The following OSBPL1A variants were observed in gnomAD, a reference collection of about 807,000 sequenced individuals.
OSBPL1A encodes the protein oxysterol binding protein like 1A.
Under a neutral mutation model 137.1 loss-of-function variants are expected in OSBPL1A, and 80 were observed. The observed-to-expected ratio is 0.58, with a 90% confidence interval of 0.49 to 0.70. The LOEUF is 0.70. Among genes scored for constraint, OSBPL1A ranks in the 30% least tolerant of loss-of-function variants. The pLI is 0.00. For synonymous variants in OSBPL1A, 365 were observed against 389.7 expected (o/e 0.94, Z 0.75); for missense variants, 970 against 1,129.4 (o/e 0.86, Z 2.02).
intron 21 of OSBPL1A, among the ~76,000 whole-genome samples, chr18:24,175,107 T>TATATACATATATATATATATATATAC (rs1491489795): frequency 1.7e-4 from 4 of 23,192 alleles, no homozygotes; most frequent in African/African-American, 4.3e-4. Flanking sequence ...GCCATGTGTA[T>TATATACATATATATATATATATATAC]GTATATATAT....
intron 15 of OSBPL1A, among the ~76,000 whole-genome samples, chr18:24,274,059 C>G (rs1235341527): frequency 5.9e-5 from 9 of 152,000 alleles, no homozygotes; most frequent in Non-Finnish European, 1.3e-4. Flanking sequence ...CATGGTAAAA[C>G]CCCGTTTCTA....
chr18:24,311,416 T>G (rs1331429369), intron 13 of OSBPL1A: 1 of 967,604 alleles, frequency 1.0e-6, no homozygotes, highest in African/African-American at 1.8e-5. Context: ...AGCCAGAAAA[T>G]TGATGACCCC....
At chr18:24,274,537 T>C (rs1368507305) in intron 15 of OSBPL1A, among the ~76,000 whole-genome samples, 1 of 152,086 alleles carries the variant, frequency 6.6e-6, no homozygotes, top group Non-Finnish European at 1.5e-5. Context: ...AGGGAGAATA[T>C]GAGGAGTGAG....
intron 11 of OSBPL1A, among the ~76,000 whole-genome samples, chr18:24,315,768 T>G (rs1449818286): frequency 8.5e-6 from 1 of 118,266 alleles, no homozygotes; most frequent in Admixed American, 1.1e-4. Context: ...ATAGTATATA[T>G]TATATAATAA....
chr18:24,166,619 C>A lies in OSBPL1A; in HGVS notation c.2619G>T (p.Arg873Ser). 1 of 1,613,190 alleles carries A rather than the reference C, an allele frequency of 6.2e-7. No individual in the cohort carries two copies. The highest frequency in any genetic ancestry group is 8.5e-7 in the Non-Finnish European group (1 of 1,179,736). ...MESVIPKTDC[R>S]LRPDIRAMEN... ...CCATGGCTCTGATGTCAGGCCGTAA[C>A]CTGCAGTCTGTCTTGGGAATCACAC... The change falls in exon 26 of 28, where the codon AGG becomes AGT. Residue 873 changes from arginine (R) to serine (S), a missense_variant. Arg to Ser is a moderately radical substitution (Grantham distance 110). This residue lies in a region of OSBPL1A where 323 missense variants were observed against 456.8 expected (regional missense o/e 0.71). Transcript: ENST00000319481.
chr18:24,272,318 T>A, intron 15 of OSBPL1A: 1 of 973,722 alleles, frequency 1.0e-6, no homozygotes, highest in Non-Finnish European at 1.2e-6. Flanking sequence ...GAATCTTCTC[T>A]CCAGTCCTGC....
intron 13 of OSBPL1A, among the ~76,000 whole-genome samples, chr18:24,305,778 T>A (rs1160765879): frequency 6.6e-6 from 1 of 152,202 alleles, no homozygotes; most frequent in Non-Finnish European, 1.5e-5. Context: ...GGGGGTGGGC[T>A]TTTCCTGTGC....
rs561624732 is a variant in OSBPL1A at position 24,276,451 on chromosome 18, T to G, written c.1281+4391A>C. 2.0e-5 allele frequency among the ~76,000 whole-genome samples: 3 copies of G among 152,308 alleles called. No individual in the cohort carries two copies. In the East Asian group the frequency reaches 5.8e-4, roughly 29 times the overall value. ...CATAAGCAGTTTTTTTGTTTGTTTT[T>G]TGTTTTTTTGAGACAGAGCTCTTGT... On this transcript the variant is annotated intron_variant, in intron 15 of 27. Transcript: ENST00000319481.
At chr18:24,286,594 A>G (rs1179356129) in intron 14 of OSBPL1A, among the ~76,000 whole-genome samples, 1 of 152,226 alleles carries the variant, frequency 6.6e-6, no homozygotes, top group Non-Finnish European at 1.5e-5. Context: ...AAAATTTCAG[A>G]GAAGAGCATT....
At chr18:24,193,291 A>C (rs1286070499) in intron 18 of OSBPL1A, among the ~76,000 whole-genome samples, 2 of 152,154 alleles carry the variant, frequency 1.3e-5, no homozygotes, top group Admixed American at 1.3e-4. Context: ...GTTCGAGACC[A>C]GTCTGGCCAA....
chr18:24,170,258 C>T (rs2086242522), intron 24 of OSBPL1A, 69 bp downstream of exon 24: 2 of 1,569,240 alleles, frequency 1.3e-6, no homozygotes, highest in South Asian at 1.2e-5. Flanking sequence ...GAACAGGCCA[C>T]CTCCAAAAGG....
intron 14 of OSBPL1A, among the ~76,000 whole-genome samples, chr18:24,286,026 G>A (rs971848024): frequency 6.6e-6 from 1 of 152,126 alleles, no homozygotes; most frequent in Non-Finnish European, 1.5e-5. Context: ...CCATCATGGC[G>A]TGTGCCTGTA....
intron 17 of OSBPL1A, among the ~76,000 whole-genome samples, chr18:24,213,306 G>A (rs986055815): frequency 4.6e-5 from 7 of 152,252 alleles, no homozygotes; most frequent in Middle Eastern, 3.4e-3. Context: ...AGTGGCTCAC[G>A]CCTGTAATCC....
At chr18:24,359,224 A>AAGAGAC (rs905729632) in intron 4 of OSBPL1A, among the ~76,000 whole-genome samples, 2 of 151,576 alleles carry the variant, frequency 1.3e-5, no homozygotes, top group Non-Finnish European at 2.9e-5. Flanking sequence ...TCTATAGAGA[A>AAGAGAC]AGAGACAGAG....
At position 24,322,078 on chromosome 18, in the gene OSBPL1A, C is replaced by A. The variant is rs555592578; in HGVS notation, c.626-3269G>T. 2.9e-3 allele frequency among the ~76,000 whole-genome samples: 427 copies of A among 146,452 alleles called. 3 individuals carry two copies. Among genetic ancestry groups the A allele is most frequent in the African/African-American group, 0.01 (400 of 39,782 alleles). On this transcript the variant is annotated intron_variant, in intron 7 of 27. Coordinates refer to ENST00000319481, the MANE Select transcript of OSBPL1A (RefSeq NM_080597.4). Reference sequence around the variant, plus strand: ...AGAAAGTCAGTAGTAAAATGGAGATCATTTTTAACATAGAGAGAAATATGT... The same window carrying A: ...AGAAAGTCAGTAGTAAAATGGAGATAATTTTTAACATAGAGAGAAATATGT...
intron 13 of OSBPL1A, chr18:24,311,408 C>T (rs2090617674): frequency 1.1e-6 from 1 of 932,466 alleles, no homozygotes; most frequent in Non-Finnish European, 1.3e-6. Flanking sequence ...AAAGGTACAG[C>T]CAGAAAATTG....
intron 15 of OSBPL1A, among the ~76,000 whole-genome samples, chr18:24,243,536 T>C (rs1217608003): frequency 6.6e-6 from 1 of 152,176 alleles, no homozygotes; most frequent in Non-Finnish European, 1.5e-5. Context: ...GCAAGATAAA[T>C]GATAGAGGCC....
At chr18:24,392,787 C>G (rs1907448669) in intron 1 of OSBPL1A, among the ~76,000 whole-genome samples, 1 of 152,132 alleles carries the variant, frequency 6.6e-6, no homozygotes, top group African/African-American at 2.4e-5. Flanking sequence ...AACTCCTGGA[C>G]TCAAGCAATC....
intron 5 of OSBPL1A, among the ~76,000 whole-genome samples, chr18:24,335,366 C>G (rs890268899): frequency 6.6e-6 from 1 of 152,150 alleles, no homozygotes; most frequent in Non-Finnish European, 1.5e-5. Context: ...TAACCAAGGT[C>G]ACACAATCAG....
Sources: allele counts gnomAD v4.1 joint callset (sites outside exome capture counted in the v4.1 genomes callset), GRCh38; gene constraint gnomAD v4.1.1; regional missense constraint gnomAD v4.1.1; transcripts MANE v1.5; gene names NCBI Gene and HGNC (gene_info 2026-07-23, HGNC 2026-07-21).